Variants in PTPRQ observed in about 807,000 individuals in gnomAD.
The protein encoded by PTPRQ is protein tyrosine phosphatase receptor type Q, also known as phosphatidylinositol phosphatase PTPRQ.
A neutral mutation model predicts 246.0 loss-of-function variants in PTPRQ; 199 were observed. The ratio of observed to expected loss-of-function variants is 0.81; its 90% CI spans 0.72 to 0.91. The LOEUF (loss-of-function observed/expected upper bound fraction) is 0.91, where lower values mean the gene tolerates loss of function less well. PTPRQ is among the 40% of genes least tolerant of loss of function. PTPRQ has a pLI of 0.00. For synonymous variants in PTPRQ, 869 were observed against 853.2 expected (o/e 1.02, Z -0.32); for missense variants, 2,624 against 2,528.4 (o/e 1.04, Z -0.81).
At chr12:80,634,103 G>T (rs941312028) in intron 34 of PTPRQ, among the ~76,000 whole-genome samples, 13 of 152,106 alleles carry the variant, frequency 8.5e-5, no homozygotes, top group Non-Finnish European at 1.9e-4. Context: ...ATCAGGCACT[G>T]TCTTATGTGT....
intron 17 of PTPRQ, among the ~76,000 whole-genome samples, chr12:80,527,243 A>G (rs1895713933): frequency 6.6e-6 from 1 of 152,098 alleles, no homozygotes; most frequent in Admixed American, 6.6e-5. Flanking sequence ...TTTGAAAAAT[A>G]TTTATACTAT....
rs1199301628 is a variant in PTPRQ, at chr12:80,620,256, G to A, written c.5492G>A (p.Gly1831Glu). The change falls in exon 32 of 45, where the codon GGA becomes GAA. Residue 1831 changes from glycine (G) to glutamate (E), a missense_variant. By Grantham distance (98) the Gly-to-Glu change is moderately conservative. Coordinates refer to ENST00000644991, the MANE Select transcript of PTPRQ (RefSeq NM_001145026.2). ...EGFPNPPCTE[G>E]KTKFSGNEEI... is the part of the protein sequence containing the mutation. ...TTTCCTAACCCTCCATGTACAGAAG[G>A]AAAGACAAAGTTTAGTGGCAATGAA... 4 of 1,549,358 alleles carry A rather than the reference G, an allele frequency of 2.6e-6. No individual in the cohort carries two copies. Among genetic ancestry groups the A allele is most frequent in the Admixed American group, 3.9e-5 (2 of 50,820 alleles).
chr12:80,488,011 G>C (rs929673936), intron 9 of PTPRQ, among the ~76,000 whole-genome samples: 4 of 151,862 alleles, frequency 2.6e-5, no homozygotes, highest in Non-Finnish European at 5.9e-5. Flanking sequence ...GGTTTTGGCA[G>C]ATTTTATTTC....
chr12:80,504,895 A>G (rs199528256), intron 14 of PTPRQ, among the ~76,000 whole-genome samples: 2 of 151,870 alleles, frequency 1.3e-5, no homozygotes, highest in East Asian at 1.9e-4. Flanking sequence ...TCCTCTCTGC[A>G]TGGTAGATTT....
chr12:80,500,138 C>T (rs1008789157), intron 14 of PTPRQ, among the ~76,000 whole-genome samples: 1 of 151,912 alleles, frequency 6.6e-6, no homozygotes, highest in African/African-American at 2.4e-5. Context: ...ATATGCCAAA[C>T]AATAGTCTTT....
chr12:80,649,757 A>G (rs1699575930), intron 37 of PTPRQ, 88 bp downstream of exon 37: 4 of 1,456,858 alleles, frequency 2.7e-6, no homozygotes, highest in African/African-American at 2.9e-5. Flanking sequence ...AAGCAAGGCC[A>G]TGAAGGACTC....
Position 80,521,931 on chromosome 12 carries a change from A to T in PTPRQ, c.2678+11488A>T, listed in dbSNP as rs1158345436. Among the ~76,000 whole-genome samples, 4 of 152,122 alleles carry T rather than the reference A, an allele frequency of 2.6e-5. No individual in the cohort carries two copies. In the East Asian group the frequency reaches 7.7e-4, roughly 29 times the overall value. On this transcript the variant is annotated intron_variant, in intron 17 of 44. Transcript: ENST00000644991. ...ATTGCTAGCTTGATGGGGATGGCAT[A>T]GAATCCATAAATTACCTTGGGCAGT... is the stretch of plus-strand genomic sequence containing the variant.
chr12:80,457,328 T>C (rs540007793), intron 3 of PTPRQ, among the ~76,000 whole-genome samples: 2 of 152,106 alleles, frequency 1.3e-5, no homozygotes, highest in Non-Finnish European at 2.9e-5. Context: ...CTACCATTTA[T>C]TCCTGTGTGA....
chr12:80,480,292 G>A (rs1396475795), intron 8 of PTPRQ, among the ~76,000 whole-genome samples: 2 of 152,146 alleles, frequency 1.3e-5, no homozygotes, highest in African/African-American at 4.8e-5. Flanking sequence ...ATAATGAAAT[G>A]AAGGCAGAAA....
chr12:80,532,470 C>T (rs1895872742), intron 17 of PTPRQ, among the ~76,000 whole-genome samples: 1 of 152,140 alleles, frequency 6.6e-6, no homozygotes, highest in African/African-American at 2.4e-5. Context: ...ATCCAACCGC[C>T]TTGGTCTCCC....
At chr12:80,514,149 C>G (rs1895206897) in intron 17 of PTPRQ, among the ~76,000 whole-genome samples, 1 of 152,076 alleles carries the variant, frequency 6.6e-6, no homozygotes, top group Non-Finnish European at 1.5e-5. Flanking sequence ...TTTTATTTCT[C>G]TCACTCTTTT....
intron 3 of PTPRQ, 47 bp from the exon 4 acceptor site, chr12:80,457,528 T>C (rs1893017506): frequency 2.5e-6 from 1 of 400,010 alleles, no homozygotes; most frequent in Non-Finnish European, 4.4e-6. Context: ...GATTCTCTTT[T>C]TTCAGGGAGT....
At chr12:80,627,895 G>A (rs1899266314) in intron 33 of PTPRQ, among the ~76,000 whole-genome samples, 1 of 152,066 alleles carries the variant, frequency 6.6e-6, no homozygotes, top group African/African-American at 2.4e-5. Flanking sequence ...GATAATCAGG[G>A]AACATTTTGT....
At chr12:80,479,383 A>C (rs2120580456) in intron 8 of PTPRQ, among the ~76,000 whole-genome samples, 1 of 152,134 alleles carries the variant, frequency 6.6e-6, no homozygotes, top group Middle Eastern at 3.4e-3. Flanking sequence ...GAAGCACTAA[A>C]CATGGAAAGG....
Position 80,493,381 on chromosome 12 carries a change from C to T in PTPRQ, c.1466C>T (p.Thr489Ile). 1 of 1,550,142 alleles carries T rather than the reference C, an allele frequency of 6.5e-7. No homozygotes were observed. ...EMSSDLHSLA[T>I]FIYNSHPDKN... ...TCGTCTGACCTTCACTCACTTGCTA[C>T]ATTTATATATAACAGCCATCCAGAT... The change falls in exon 10 of 45, where the codon ACA becomes ATA. Residue 489 changes from threonine (T) to isoleucine (I), a missense_variant. Thr to Ile is a moderately conservative substitution (Grantham distance 89). Transcript: ENST00000644991.
chr12:80,467,961 A>G (rs1399806579), intron 6 of PTPRQ, among the ~76,000 whole-genome samples: 5 of 152,242 alleles, frequency 3.3e-5, no homozygotes, highest in African/African-American at 7.2e-5. Flanking sequence ...TACATATGTA[A>G]CTAACCTGCA....
intron 25 of PTPRQ, among the ~76,000 whole-genome samples, chr12:80,578,621 G>T (rs574383529): frequency 6.6e-6 from 1 of 151,890 alleles, no homozygotes; most frequent in Non-Finnish European, 1.5e-5. Context: ...TCTGGATCTC[G>T]TGACCTCGTG....
In PTPRQ at chr12:80,495,384, G is replaced by GTTT. The variant is rs2120652966; in HGVS notation, c.1882+15_1882+17dup. 5 of 1,271,576 alleles carry GTTT rather than the reference G, an allele frequency of 3.9e-6. No homozygotes were observed. Among genetic ancestry groups the GTTT allele is most frequent in the Non-Finnish European group, 5.2e-6 (5 of 966,776 alleles). The allele number at this position is 1,271,576 out of a possible 1,614,324, so 78.8% of individuals were successfully genotyped here. A position where few individuals can be genotyped will look rare whatever the true frequency, so the allele number is the denominator to read the frequency against. Reference sequence around the variant, plus strand: ...TTTCTCATAACAGGTAGAAAACAATGTTTTGTTGTTGTTGTTGTTGTTCAT... The same window carrying GTTT: ...TTTCTCATAACAGGTAGAAAACAATGTTTTTTTGTTGTTGTTGTTGTTGTTCAT... On this transcript the variant is annotated intron_variant, in intron 12 of 44. Coordinates refer to ENST00000644991, the MANE Select transcript of PTPRQ (RefSeq NM_001145026.2).
At chr12:80,617,682 G>C (rs746092992) in intron 30 of PTPRQ, among the ~76,000 whole-genome samples, 2 of 151,382 alleles carry the variant, frequency 1.3e-5, no homozygotes, top group Non-Finnish European at 3.0e-5. Flanking sequence ...ACGACTTCTA[G>C]TCTAGAGAAG....
Sources: allele counts gnomAD v4.1 joint callset (sites outside exome capture counted in the v4.1 genomes callset), GRCh38; gene constraint gnomAD v4.1.1; transcripts MANE v1.5; gene names NCBI Gene and HGNC (gene_info 2026-07-23, HGNC 2026-07-21).